Variants in NDRG1 observed in about 807,000 individuals in gnomAD.
The protein encoded by NDRG1 is protein NDRG1.
Under a neutral mutation model 56.9 loss-of-function variants are expected in NDRG1, and 32 were observed. That is an observed-to-expected ratio of 0.56 (90% CI 0.42 to 0.76). The LOEUF (loss-of-function observed/expected upper bound fraction) is 0.76, where lower values mean the gene tolerates loss of function less well. NDRG1 is among the 30% of genes least tolerant of loss of function. NDRG1 has a pLI of 0.00. For synonymous variants in NDRG1, 211 were observed against 204.1 expected, an observed-to-expected ratio of 1.03 and a Z score of -0.29; for missense variants, 507 against 545.7, an observed-to-expected ratio of 0.93 and a Z score of 0.71.
chr8:133,254,453 T>C lies in NDRG1; in HGVS notation c.594+86A>G, dbSNP rs1037539447. 4 of 1,441,070 alleles carry C rather than the reference T, an allele frequency of 2.8e-6. No individual in the cohort carries two copies. In the African/African-American group the frequency reaches 5.6e-5, roughly 20 times the overall value. 89.3% of individuals were successfully genotyped at this position (1,441,070 alleles called of 1,614,324 possible). A position where few individuals can be genotyped will look rare whatever the true frequency, so the allele number is the denominator to read the frequency against. ...CCCCAGTTGATTGTGTCTTGTTCTC[T>C]CCACCCCCACATGGGGCCCTGTGCT... On this transcript the variant is annotated intron_variant, in intron 9 of 15. Coordinates refer to ENST00000323851, the MANE Select transcript of NDRG1 (RefSeq NM_006096.4).
chr8:133,271,053 C>G (rs910974980), intron 3 of NDRG1, among the ~76,000 whole-genome samples: 2 of 152,204 alleles, frequency 1.3e-5, no homozygotes, highest in Non-Finnish European at 2.9e-5. Flanking sequence ...GCCCCACTGG[C>G]TTAAGTCAAC....
At chr8:133,251,980 G>A (rs1219793904) in intron 9 of NDRG1, among the ~76,000 whole-genome samples, 1 of 152,230 alleles carries the variant, frequency 6.6e-6, no homozygotes, top group Non-Finnish European at 1.5e-5. Flanking sequence ...CAGCGACCTG[G>A]AGCAGTAAGA....
At chr8:133,282,164 C>A (rs932211456) in intron 2 of NDRG1, among the ~76,000 whole-genome samples, 6 of 152,188 alleles carry the variant, frequency 3.9e-5, no homozygotes, top group African/African-American at 1.4e-4. Context: ...CTAAGGATTC[C>A]AGTAGGCTGC....
At chr8:133,279,109 C>T (rs772434653) in intron 3 of NDRG1, among the ~76,000 whole-genome samples, 5 of 152,120 alleles carry the variant, frequency 3.3e-5, no homozygotes, top group African/African-American at 9.7e-5. Flanking sequence ...AGGCTGGCCT[C>T]GAGCTCCTGA....
chr8:133,292,210 A>G (rs1858468197), intron 1 of NDRG1, among the ~76,000 whole-genome samples: 1 of 152,196 alleles, frequency 6.6e-6, no homozygotes, highest in Admixed American at 6.5e-5. Context: ...TGGAAATCAC[A>G]CAAACGGAGC....
At position 133,244,410 on chromosome 8, in the gene NDRG1, G is replaced by A. The variant is rs183774941; in HGVS notation, c.856-20C>T. On this transcript the variant is annotated intron_variant, in intron 13 of 15. Transcript: ENST00000323851. Reference sequence around the variant, plus strand: ...CGCCATCTAGGAGAGAGGGAAGCTCGTTAGTGCCAAACACCACAGCCAAGG... The same window carrying A: ...CGCCATCTAGGAGAGAGGGAAGCTCATTAGTGCCAAACACCACAGCCAAGG... 38 of 1,614,198 alleles carry A rather than the reference G, an allele frequency of 2.4e-5. No homozygotes were observed. The East Asian group carries it at 3.8e-4, about 16-fold the overall frequency.
At chr8:133,262,874 C>T (rs1032794741) in intron 4 of NDRG1, among the ~76,000 whole-genome samples, 2 of 152,210 alleles carry the variant, frequency 1.3e-5, no homozygotes, top group East Asian at 1.9e-4. Context: ...GCCAGAAGCA[C>T]AGTTTCCAGC....
intron 5 of NDRG1, among the ~76,000 whole-genome samples, chr8:133,259,874 T>C (rs938885988): frequency 6.6e-6 from 1 of 152,214 alleles, no homozygotes; most frequent in Non-Finnish European, 1.5e-5. Flanking sequence ...CGTGCTCAGA[T>C]GATCAGGGAG....
chr8:133,261,140 C>T (rs1307037135), intron 5 of NDRG1, among the ~76,000 whole-genome samples: 1 of 152,074 alleles, frequency 6.6e-6, no homozygotes, highest in Admixed American at 6.6e-5. Flanking sequence ...GAGTCTTGCT[C>T]TGTCACCCAG....
intron 14 of NDRG1, 98 bp from the exon 15 acceptor site, chr8:133,242,172 T>C (rs1855424446): frequency 7.8e-7 from 1 of 1,274,042 alleles, no homozygotes; most frequent in Non-Finnish European, 1.1e-6. Flanking sequence ...CATTTGAGAG[T>C]TTGGCTCAAG....
At chr8:133,296,726 CA>C in intron 1 of NDRG1, 1 of 330,536 alleles carries the variant, frequency 3.0e-6, no homozygotes, top group South Asian at 2.1e-5. Flanking sequence ...CACACACACA[CA>C]CACACTCACC....
chr8:133,261,262 C>T lies in NDRG1; in HGVS notation c.326+785G>A, dbSNP rs150190967. On this transcript the variant is annotated intron_variant, in intron 5 of 15. Transcript: ENST00000323851. ...CAGGGATTATAGCCACCCGCCACCA[C>T]GCCCAGCTCATTTTTGTATTTTTAG... Among the ~76,000 whole-genome samples the T allele has an allele frequency of 3.1e-3, 471 of 152,240 alleles. 5 individuals are homozygous for T. Among genetic ancestry groups the T allele is most frequent in the African/African-American group, 0.011 (455 of 41,540 alleles).
At chr8:133,283,762 G>A (rs1411486210) in intron 2 of NDRG1, among the ~76,000 whole-genome samples, 1 of 152,224 alleles carries the variant, frequency 6.6e-6, no homozygotes, top group African/African-American at 2.4e-5. Flanking sequence ...AAGCTGCAAA[G>A]TGTCACAGCT....
chr8:133,264,551 C>T lies in NDRG1; in HGVS notation c.201G>A (p.Met67Ile), dbSNP rs1240902905. The T allele has an allele frequency of 5.6e-6, 9 of 1,614,014 alleles. No homozygotes were observed. The highest frequency in any genetic ancestry group is 7.6e-6 in the Non-Finnish European group (9 of 1,179,974). Residue 67 changes from methionine to isoleucine, a missense_variant, in exon 4 of 16, where the codon ATG becomes ATA. Met to Ile is a conservative substitution (Grantham distance 10). Transcript: ENST00000323851. ...TCAGAGCTCCTCAGAACTTACGGTT[C>T]ATGCCGATGTCATGGTAGGTGAGGA... ...PVILTYHDIGMNHKTCYNPLF... is the reference protein window; with the variant it reads ...PVILTYHDIGINHKTCYNPLF...
chr8:133,250,686 A>AT, intron 9 of NDRG1, 143 bp from the exon 10 acceptor site: 1 of 770,756 alleles, frequency 1.3e-6, no homozygotes, highest in Non-Finnish European at 2.2e-6. Context: ...CCTAAAAAAA[A>AT]AACCTTTGGG....
intron 12 of NDRG1, 36 bp from the exon 13 acceptor site, chr8:133,246,699 G>T: frequency 1.2e-6 from 2 of 1,609,044 alleles, no homozygotes; most frequent in Non-Finnish European, 1.7e-6. Context: ...AATTTTCTAC[G>T]TGAAGCCAAA....
At chr8:133,296,416 C>G (rs953682612) in intron 1 of NDRG1, 3 of 454,088 alleles carry the variant, frequency 6.6e-6, no homozygotes, top group East Asian at 1.4e-4. Context: ...GCACCCTGCC[C>G]AGTGGCGCTC....
At chr8:133,248,522 C>T (rs952714804) in intron 11 of NDRG1, among the ~76,000 whole-genome samples, 193 bp downstream of exon 11, 5 of 152,300 alleles carry the variant, frequency 3.3e-5, no homozygotes, top group Admixed American at 3.3e-4. Flanking sequence ...ATGGGGACAC[C>T]CTAGAAACGG....
chr8:133,282,206 C>G (rs1717343330), intron 2 of NDRG1, among the ~76,000 whole-genome samples: 1 of 152,178 alleles, frequency 6.6e-6, no homozygotes, highest in South Asian at 2.1e-4. Context: ...GTTTTAAATG[C>G]ATTTACCCTT....
Sources: allele counts gnomAD v4.1 joint callset (sites outside exome capture counted in the v4.1 genomes callset), GRCh38; gene constraint gnomAD v4.1.1; transcripts MANE v1.5; gene names NCBI Gene and HGNC (gene_info 2026-07-23, HGNC 2026-07-21).